Variants in TMEM74 observed in about 807,000 individuals in gnomAD.
TMEM74 encodes the protein transmembrane protein 74.
Under a neutral mutation model 18.1 loss-of-function variants are expected in TMEM74, and 13 were observed. The ratio of observed to expected loss-of-function variants is 0.72; its 90% CI spans 0.47 to 1.14. The LOEUF (loss-of-function observed/expected upper bound fraction) is 1.14. TMEM74 is among the 50% of genes most tolerant of loss of function. The pLI, the probability that TMEM74 is intolerant of heterozygous loss-of-function variation, is 0.00. For missense variants in TMEM74, 372 were observed against 375.9 expected, an observed-to-expected ratio of 0.99 and a Z score of 0.09; for synonymous variants, 159 against 146.6, an observed-to-expected ratio of 1.08 and a Z score of -0.61.
Position 108,615,975 on chromosome 8 carries a change from C to T in TMEM74, n.265-7149G>A, listed in dbSNP as rs1048588134. 3.3e-5 allele frequency among the ~76,000 whole-genome samples: 5 copies of T among 151,928 alleles called. No individual in the cohort carries two copies. The East Asian group carries it at 5.8e-4, about 18-fold the overall frequency. On this transcript the variant is annotated intron_variant and non_coding_transcript_variant, in intron 2 of 3. Transcript: ENST00000518838. ...CTAATTTTTGTATTTTTAGTAGAGACGGGGTTTCACCATGTTGGCCAGGAT... is the reference window on the plus strand; with the variant it reads ...CTAATTTTTGTATTTTTAGTAGAGATGGGGTTTCACCATGTTGGCCAGGAT...
At chr8:108,775,048 A>C (rs78473135), downstream of TMEM74, among the ~76,000 whole-genome samples, 993 of 152,314 alleles carry the variant, frequency 6.5e-3, 8 homozygotes, top group African/African-American at 0.023. Context: ...CTGGCAAACT[A>C]TAAACAGAAG....
chr8:108,745,740 T>TA (rs1202623406), intron 1 of TMEM74, among the ~76,000 whole-genome samples: 4 of 151,928 alleles, frequency 2.6e-5, no homozygotes, highest in Admixed American at 6.6e-5. Flanking sequence ...AAAGAAGAAG[T>TA]AAAAACTAAA....
chr8:108,649,307 C>G (rs1042845689), intron 2 of TMEM74, among the ~76,000 whole-genome samples: 3 of 152,188 alleles, frequency 2.0e-5, no homozygotes, highest in Admixed American at 6.5e-5. Flanking sequence ...TTATAAAGCA[C>G]TCAGCTTTAC....
chr8:108,702,052 A>C (rs1813340713), intron 1 of TMEM74, among the ~76,000 whole-genome samples: 1 of 152,140 alleles, frequency 6.6e-6, no homozygotes, highest in South Asian at 2.1e-4. Context: ...TGGCAAAAGA[A>C]TAGGGAAATA....
At chr8:108,654,715 C>T (rs543981542) in intron 2 of TMEM74, among the ~76,000 whole-genome samples, 2 of 151,938 alleles carry the variant, frequency 1.3e-5, no homozygotes, top group African/African-American at 4.8e-5. Flanking sequence ...TACCTTTATT[C>T]CTTCTTGCCA....
rs1373894892 is a variant in TMEM74 at position 108,737,761 on chromosome 8, T to G, written n.119+49715A>C. Among the ~76,000 whole-genome samples the G allele has an allele frequency of 7.9e-5, 12 of 152,268 alleles. No homozygotes were observed. In the East Asian group the frequency reaches 2.3e-3, roughly 29 times the overall value. On this transcript the variant is annotated intron_variant and non_coding_transcript_variant, in intron 1 of 3. Transcript: ENST00000518838. The stretch of plus-strand genomic sequence containing the variant: ...AAAATTCAGTAGAGGAGGAATGTTT[T>G]GAATAGCATTTACTCAAAGCAATAT...
chr8:108,736,024 C>A (rs1813746268), intron 1 of TMEM74, among the ~76,000 whole-genome samples: 2 of 151,950 alleles, frequency 1.3e-5, no homozygotes, highest in South Asian at 4.1e-4. Context: ...GAAGTCCTAG[C>A]TTTGGATTAA....
chr8:108,770,039 T>C (rs71526708), intron 1 of TMEM74, among the ~76,000 whole-genome samples: 1 of 152,120 alleles, frequency 6.6e-6, no homozygotes, highest in African/African-American at 2.4e-5. Flanking sequence ...TTTATTGCTG[T>C]TTCCTAGGTA....
intron 1 of TMEM74, among the ~76,000 whole-genome samples, chr8:108,753,737 A>T (rs138709174): frequency 6.6e-6 from 1 of 151,686 alleles, no homozygotes; most frequent in African/African-American, 2.4e-5. Context: ...AGACATGTCT[A>T]CTCTGTTTTG....
chr8:108,617,334 C>T (rs1812394622), intron 2 of TMEM74, among the ~76,000 whole-genome samples: 1 of 152,078 alleles, frequency 6.6e-6, no homozygotes, highest in African/African-American at 2.4e-5. Context: ...AGGATCTCCT[C>T]TAGTTTTGAT....
At chr8:108,776,533 C>T (rs534732250), downstream of TMEM74, among the ~76,000 whole-genome samples, 2 of 152,288 alleles carry the variant, frequency 1.3e-5, no homozygotes, top group East Asian at 3.9e-4. Flanking sequence ...TGCCACATGG[C>T]ATGCTGATTG....
chr8:108,688,216 C>A (rs1813191241), intron 1 of TMEM74, among the ~76,000 whole-genome samples: 1 of 152,178 alleles, frequency 6.6e-6, no homozygotes, highest in Non-Finnish European at 1.5e-5. Context: ...CCTGGCTCTA[C>A]ATTTCTGAAG....
chr8:108,759,632 G>A (rs1175943797), intron 1 of TMEM74, among the ~76,000 whole-genome samples: 1 of 152,134 alleles, frequency 6.6e-6, no homozygotes, highest in Admixed American at 6.6e-5. Context: ...GGCACTGTAT[G>A]TACACAGATG....
intron 1 of TMEM74, among the ~76,000 whole-genome samples, chr8:108,728,997 T>C (rs1813667495): frequency 6.6e-6 from 1 of 152,234 alleles, no homozygotes; most frequent in Non-Finnish European, 1.5e-5. Context: ...GTATTAACTT[T>C]CTCTTGCTGC....
intron 1 of TMEM74, among the ~76,000 whole-genome samples, chr8:108,709,404 G>A (rs1038923025): frequency 6.6e-6 from 1 of 152,158 alleles, no homozygotes; most frequent in Non-Finnish European, 1.5e-5. Flanking sequence ...GGGACATTAT[G>A]CTAAGTGAAA....
chr8:108,660,656 TAC>T (rs1812891195), intron 1 of TMEM74, among the ~76,000 whole-genome samples: 1 of 152,168 alleles, frequency 6.6e-6, no homozygotes, highest in South Asian at 2.1e-4. Flanking sequence ...AGTTCTGCCT[TAC>T]AGAGAGCTTG....
intron 1 of TMEM74, among the ~76,000 whole-genome samples, chr8:108,668,301 A>C (rs1258964554): frequency 1.3e-5 from 2 of 152,222 alleles, no homozygotes; most frequent in African/African-American, 4.8e-5. Flanking sequence ...TTATCAAAAC[A>C]TAAGTTAATA....
chr8:108,624,045 G>A (rs982818728), intron 2 of TMEM74, among the ~76,000 whole-genome samples: 1 of 152,048 alleles, frequency 6.6e-6, no homozygotes, highest in Admixed American at 6.6e-5. Flanking sequence ...CCAGTGCCAG[G>A]ATATGCATAG....
At chr8:108,664,882 C>A (rs1276063303) in intron 1 of TMEM74, among the ~76,000 whole-genome samples, 1 of 152,136 alleles carries the variant, frequency 6.6e-6, no homozygotes, top group East Asian at 1.9e-4. Flanking sequence ...TACAATATTA[C>A]TTCTCACCTG....
Sources: allele counts gnomAD v4.1 joint callset (sites outside exome capture counted in the v4.1 genomes callset), GRCh38; gene constraint gnomAD v4.1.1; transcripts MANE v1.5; gene names NCBI Gene and HGNC (gene_info 2026-07-23, HGNC 2026-07-21).